MAP3K2: variants seen among roughly 807,000 people sequenced by gnomAD.
MAP3K2 encodes MAP/ERK kinase kinase 2.
In MAP3K2, 24 loss-of-function variants were observed where a neutral mutation model predicts 80.3. The ratio of observed to expected loss-of-function variants is 0.30; its 90% CI spans 0.22 to 0.42. MAP3K2 has a LOEUF of 0.42. Among genes scored for constraint, MAP3K2 ranks in the 10% least tolerant of loss-of-function variants. MAP3K2 has a pLI of 1.00. For synonymous variants in MAP3K2, 244 were observed against 253.7 expected (o/e 0.96, Z 0.36); for missense variants, 608 against 750.1 (o/e 0.81, Z 2.21).
At chr2:127,371,270 A>C (rs1687059702) in intron 1 of MAP3K2, among the ~76,000 whole-genome samples, 1 of 152,160 alleles carries the variant, frequency 6.6e-6, no homozygotes, top group African/African-American at 2.4e-5. Context: ...AGCCAACCAG[A>C]ACGAGGTGGC....
chr2:127,386,749 CTA>C (rs1687358086), intron 1 of MAP3K2, among the ~76,000 whole-genome samples: 1 of 152,068 alleles, frequency 6.6e-6, no homozygotes, highest in South Asian at 2.1e-4. Flanking sequence ...CTGTATCTGT[CTA>C]TGTGTTTAGA....
intron 4 of MAP3K2, 62 bp downstream of exon 4, chr2:127,337,676 G>T: frequency 1.0e-6 from 1 of 986,924 alleles, no homozygotes; most frequent in Non-Finnish European, 1.5e-6. Flanking sequence ...CCTTTCAAAA[G>T]CTTAATTAGA....
intron 12 of MAP3K2, among the ~76,000 whole-genome samples, chr2:127,320,571 G>C (rs1271413771): frequency 6.6e-6 from 1 of 151,932 alleles, no homozygotes; most frequent in East Asian, 1.9e-4. Context: ...TACTTGGAGA[G>C]GTAACAACTG....
intron 12 of MAP3K2, among the ~76,000 whole-genome samples, chr2:127,319,061 C>A (rs1685961916): frequency 6.6e-6 from 1 of 152,068 alleles, no homozygotes; most frequent in Non-Finnish European, 1.5e-5. Flanking sequence ...GAAAGCCTCC[C>A]TTGGTGGTCA....
At chr2:127,357,594 T>C (rs1310078310) in intron 1 of MAP3K2, among the ~76,000 whole-genome samples, 7 of 152,238 alleles carry the variant, frequency 4.6e-5, no homozygotes, top group Non-Finnish European at 1.0e-4. Flanking sequence ...ACTTCAAGAC[T>C]TATTATAAAG....
In MAP3K2 at chr2:127,300,743, G is replaced by GAAT. The variant is rs1345369577; in HGVS notation, c.*6833_*6835dup. On this transcript the variant is annotated 3_prime_UTR_variant, in exon 17 of 17. Transcript: ENST00000682094. ...ATCCTTAGACACTGTACTTTCAATTGAATAGGGTGTATTGCAAGAATTTGG... is the reference window on the plus strand; with the variant it reads ...ATCCTTAGACACTGTACTTTCAATTGAATAATAGGGTGTATTGCAAGAATTTGG... 1 of 152,118 alleles carries GAAT rather than the reference G, an allele frequency of 6.6e-6. No individual in the cohort carries two copies. The highest frequency in any genetic ancestry group is 1.5e-5 in the Non-Finnish European group (1 of 68,010). 9.4% of individuals were successfully genotyped at this position (152,118 alleles called of 1,614,324 possible).
At position 127,317,704 on chromosome 2, in the gene MAP3K2, T is replaced by G. The variant is rs1685934184; in HGVS notation, c.1251A>C (p.Arg417=). ...IQLLKNLLHE[R]IVQYYGCLRD... ...TCAAACAGCCATAATACTGAACAATTCGCTCATGTAGCAAGTTTTTCAGCA... is the reference window on the plus strand; with the variant it reads ...TCAAACAGCCATAATACTGAACAATGCGCTCATGTAGCAAGTTTTTCAGCA... Residue 417 remains arginine (R), a synonymous_variant, in exon 14 of 17, where the codon CGA becomes CGC. Coordinates refer to ENST00000682094, the MANE Select transcript of MAP3K2 (RefSeq NM_001371910.2). 1.3e-6 allele frequency: 2 copies of G among 1,599,314 alleles called. No homozygotes were observed. Among genetic ancestry groups the G allele is most frequent in the Non-Finnish European group, 1.7e-6 (2 of 1,172,068 alleles).
At chr2:127,379,519 T>G (rs1687212273) in intron 1 of MAP3K2, among the ~76,000 whole-genome samples, 1 of 152,244 alleles carries the variant, frequency 6.6e-6, no homozygotes, top group East Asian at 1.9e-4. Context: ...CTTTTCTGTA[T>G]TTTAAAGTTT....
Position 127,339,011 on chromosome 2 carries a change from GC to G in MAP3K2, c.43del (p.Ala15LeufsTer54). 1 of 1,612,416 alleles carries G rather than the reference GC, an allele frequency of 6.2e-7. No homozygotes were observed. The highest frequency in any genetic ancestry group is 8.5e-7 in the Non-Finnish European group (1 of 1,179,178). On this transcript the variant is annotated frameshift_variant, in exon 3 of 17. Coordinates refer to ENST00000682094, the MANE Select transcript of MAP3K2 (RefSeq NM_001371910.2). LOFTEE classifies it high-confidence loss of function. The surrounding 1 kb of genome is among the most constrained non-coding windows in gnomAD (Gnocchi z 4.2). ...TGGTCGACTGGCCTTATGAAGGACAGCCAAATCTTGCATGATTGAGTTCAAA... is the reference window on the plus strand; with the variant it reads ...TGGTCGACTGGCCTTATGAAGGACAGCAAATCTTGCATGATTGAGTTCAAA... ...QALNSIMQDL[A>X]VLHKASRPAL...
intron 1 of MAP3K2, among the ~76,000 whole-genome samples, chr2:127,377,977 T>C (rs1391478090): frequency 1.3e-5 from 2 of 152,110 alleles, no homozygotes; most frequent in Admixed American, 6.6e-5. Flanking sequence ...TAGAGAGACC[T>C]TGTCTCAAAA....
intron 1 of MAP3K2, among the ~76,000 whole-genome samples, chr2:127,374,211 T>C (rs1006542543): frequency 6.6e-6 from 1 of 152,240 alleles, no homozygotes; most frequent in Non-Finnish European, 1.5e-5. Flanking sequence ...CTCTGCTTAC[T>C]GTTTATTTAT....
At chr2:127,348,236 A>C (rs1686632706) in intron 1 of MAP3K2, among the ~76,000 whole-genome samples, 1 of 152,022 alleles carries the variant, frequency 6.6e-6, no homozygotes, top group Non-Finnish European at 1.5e-5. Context: ...AAAAACACAA[A>C]AATTAGCTGG....
intron 16 of MAP3K2, 110 bp downstream of exon 16, chr2:127,308,475 C>G (rs1257508663): frequency 1.1e-6 from 1 of 942,038 alleles, no homozygotes; most frequent in African/African-American, 1.6e-5. Flanking sequence ...ATTCTTACGT[C>G]CTATTTTGGA....
At position 127,307,685 on chromosome 2, in the gene MAP3K2, T is replaced by C. The variant is rs1277546494; in HGVS notation, c.1754A>G (p.His585Arg). 7.5e-6 allele frequency: 12 copies of C among 1,596,156 alleles called. No individual in the cohort carries two copies. Among genetic ancestry groups the C allele is most frequent in the Non-Finnish European group, 9.4e-6 (11 of 1,170,766 alleles). ...GAAATCTCGAGTATAGTCTGAGACA[T>C]GAGGTGGCAGCTTTGGGTTTGTTGG... Reference protein sequence around the residue: ...TQPTNPKLPPHVSDYTRDFLK... With the variant: ...TQPTNPKLPPRVSDYTRDFLK... Residue 585 changes from histidine to arginine, a missense_variant, in exon 17 of 17, where the codon CAT (histidine) becomes CGT (arginine). Physicochemically the swap from His to Arg is conservative, Grantham distance 29. Around this residue, in one of 4 missense-constraint regions of MAP3K2, gnomAD observed 42 missense variants for 53.7 expected, o/e 0.78. Coordinates refer to ENST00000682094, the MANE Select transcript of MAP3K2 (RefSeq NM_001371910.2). The surrounding 1 kb of genome is among the most constrained non-coding windows in gnomAD (Gnocchi z 5.4).
chr2:127,330,587 A>C (rs899851979), intron 5 of MAP3K2, 82 bp from the exon 6 acceptor site: 1 of 613,130 alleles, frequency 1.6e-6, no homozygotes. Context: ...AAGGAATTAC[A>C]AATGTCAAAA....
chr2:127,363,553 A>AC (rs371483930), intron 1 of MAP3K2, among the ~76,000 whole-genome samples: 1 of 152,174 alleles, frequency 6.6e-6, no homozygotes, highest in Non-Finnish European at 1.5e-5. Flanking sequence ...TGAAGTCAAC[A>AC]CGTTGCCTGA....
chr2:127,314,712 TA>T (rs1558973721), intron 15 of MAP3K2, 41 bp downstream of exon 15: 9 of 1,483,732 alleles, frequency 6.1e-6, no homozygotes, highest in Middle Eastern at 3.6e-4. Context: ...TCACATTCAC[TA>T]AGAACTGTGT....
At chr2:127,369,678 T>C (rs929585891) in intron 1 of MAP3K2, among the ~76,000 whole-genome samples, 2 of 152,138 alleles carry the variant, frequency 1.3e-5, no homozygotes, top group Non-Finnish European at 2.9e-5. Flanking sequence ...TCACAAATAC[T>C]TGTTTTTATC....
chr2:127,363,462 T>C (rs1686922563), intron 1 of MAP3K2, among the ~76,000 whole-genome samples: 1 of 152,254 alleles, frequency 6.6e-6, no homozygotes, highest in Non-Finnish European at 1.5e-5. Flanking sequence ...AACATATTAA[T>C]ATTTTGCTGA....
Sources: allele counts gnomAD v4.1 joint callset (sites outside exome capture counted in the v4.1 genomes callset), GRCh38; gene constraint gnomAD v4.1.1; regional missense constraint gnomAD v4.1.1; non-coding constraint Gnocchi (gnomAD v3.1); transcripts MANE v1.5; gene names NCBI Gene and HGNC (gene_info 2026-07-23, HGNC 2026-07-21).